The following NFIB variants were observed in gnomAD, a reference collection of about 807,000 sequenced individuals.
NFIB encodes nuclear factor I B, also known as nuclear factor 1 B-type.
Under a neutral mutation model 61.5 loss-of-function variants are expected in NFIB, and 11 were observed. The ratio of observed to expected loss-of-function variants is 0.18; its 90% CI spans 0.11 to 0.30. The LOEUF (loss-of-function observed/expected upper bound fraction) is 0.30, where lower values mean the gene tolerates loss of function less well. Among genes scored for constraint, NFIB ranks in the 10% least tolerant of loss-of-function variants. NFIB has a pLI of 1.00. For synonymous variants in NFIB, 260 were observed against 216.5 expected, an observed-to-expected ratio of 1.20 and a Z score of -1.76; for missense variants, 471 against 608.9, an observed-to-expected ratio of 0.77 and a Z score of 2.38.
At chr9:14,453,525 G>A in the NFIB span, among the ~76,000 whole-genome samples, 1 of 152,178 alleles carries the variant, frequency 6.6e-6, no homozygotes, top group Non-Finnish European at 1.5e-5. Context: ...AGAGACATAT[G>A]GTATGGAGAC....
At chr9:14,429,655 G>A in the NFIB span, among the ~76,000 whole-genome samples, 66 of 152,286 alleles carry the variant, frequency 4.3e-4, no homozygotes, top group African/African-American at 1.5e-3. Context: ...AGCTGTTGGT[G>A]GGTAAGCACT....
At chr9:14,100,175 G>A (rs2035526625) in intron 10 of NFIB, among the ~76,000 whole-genome samples, 1 of 152,112 alleles carries the variant, frequency 6.6e-6, no homozygotes, top group South Asian at 2.1e-4. Context: ...CAAAAGAAAA[G>A]TTACAATTTT....
At chr9:14,519,325 T>C in the NFIB span, among the ~76,000 whole-genome samples, 3 of 152,104 alleles carry the variant, frequency 2.0e-5, no homozygotes, top group Admixed American at 6.5e-5. Flanking sequence ...TTTCCAGAAG[T>C]TTATCATTGA....
rs76409717 is a variant in NFIB, at chr9:14,192,477, T to A, written c.563-12697A>T. Among the ~76,000 whole-genome samples, 400 of 152,200 alleles carry A rather than the reference T, an allele frequency of 2.6e-3. 3 individuals are homozygous for A. Among genetic ancestry groups the A allele is most frequent in the African/African-American group, 9.1e-3 (376 of 41,538 alleles). On this transcript the variant is annotated intron_variant, in intron 2 of 10. Coordinates refer to ENST00000380953, the MANE Select transcript of NFIB (RefSeq NM_001190737.2). ...TAACGGTAACTTGTCCTCAGATCCA[T>A]CCTGAACTCTGTTTCTGCAAACCAC...
chr9:14,180,163 C>T (rs950936872), intron 2 of NFIB, among the ~76,000 whole-genome samples: 6 of 152,078 alleles, frequency 3.9e-5, no homozygotes, highest in African/African-American at 1.2e-4. Flanking sequence ...TGTAATTAAA[C>T]GTGCATTTAA....
the NFIB span, among the ~76,000 whole-genome samples, chr9:14,448,395 T>A: frequency 1.4e-4 from 21 of 152,222 alleles, no homozygotes; most frequent in Non-Finnish European, 2.9e-5. Flanking sequence ...CCAAAAAAAA[T>A]TTTTATTTAA....
At chr9:14,159,268 C>A (rs1323137041) in intron 3 of NFIB, among the ~76,000 whole-genome samples, 1 of 152,206 alleles carries the variant, frequency 6.6e-6, no homozygotes, top group Non-Finnish European at 1.5e-5. Context: ...CCCAACTTCC[C>A]AGGTTCTAAG....
intron 1 of NFIB, among the ~76,000 whole-genome samples, chr9:14,385,022 G>T (rs577473459): frequency 6.6e-6 from 1 of 152,280 alleles, no homozygotes; most frequent in South Asian, 2.1e-4. Context: ...TTGCTGATTT[G>T]TCTGTATCAA....
chr9:14,437,458 C>T, the NFIB span, among the ~76,000 whole-genome samples: 1 of 152,192 alleles, frequency 6.6e-6, no homozygotes, highest in African/African-American at 2.4e-5. Context: ...TTGTGCGGGA[C>T]ATTAAACTAT....
intron 1 of NFIB, among the ~76,000 whole-genome samples, chr9:14,346,131 G>A (rs2061015671): frequency 6.6e-6 from 1 of 152,040 alleles, no homozygotes; most frequent in South Asian, 2.1e-4. Flanking sequence ...CCGCGGGCGC[G>A]GGGGGCGCGT....
chr9:14,121,388 A>G (rs1416934819), intron 7 of NFIB, among the ~76,000 whole-genome samples: 2 of 152,346 alleles, frequency 1.3e-5, no homozygotes, highest in East Asian at 3.9e-4. Context: ...AGAGCCAAAA[A>G]TTTTCTACCA....
chr9:14,381,256 G>A (rs731691), intron 1 of NFIB, among the ~76,000 whole-genome samples: 128,138 of 151,706 alleles, frequency 0.84, 54,363 homozygotes, highest in African/African-American at 0.93. Context: ...CAGTGGTGCA[G>A]TCTTGGCTTA....
At chr9:14,372,824 T>G (rs1022847429) in intron 1 of NFIB, among the ~76,000 whole-genome samples, 1 of 152,218 alleles carries the variant, frequency 6.6e-6, no homozygotes, top group African/African-American at 2.4e-5. Flanking sequence ...TCCTGTGAAC[T>G]GAACCTCTAA....
At chr9:14,354,994 G>T (rs977103667) in intron 1 of NFIB, among the ~76,000 whole-genome samples, 1 of 151,904 alleles carries the variant, frequency 6.6e-6, no homozygotes, top group Non-Finnish European at 1.5e-5. Flanking sequence ...CAGCACAAAT[G>T]AGATGACCTA....
At chr9:14,458,101 C>G in the NFIB span, among the ~76,000 whole-genome samples, 11 of 152,110 alleles carry the variant, frequency 7.2e-5, no homozygotes, top group Non-Finnish European at 1.6e-4. Context: ...TGATGAACAT[C>G]GATGCAAAAA....
At chr9:14,169,264 T>C (rs1029360553) in intron 3 of NFIB, among the ~76,000 whole-genome samples, 1 of 152,188 alleles carries the variant, frequency 6.6e-6, no homozygotes, top group Non-Finnish European at 1.5e-5. Context: ...CAAGTGGTTT[T>C]CCTGTCTTCT....
At chr9:14,277,693 A>C (rs2058094101) in intron 2 of NFIB, among the ~76,000 whole-genome samples, 1 of 152,200 alleles carries the variant, frequency 6.6e-6, no homozygotes, top group South Asian at 2.1e-4. Context: ...AGATAGACCT[A>C]AAGTAAGGGC....
At chr9:14,451,671 T>G in the NFIB span, among the ~76,000 whole-genome samples, 2 of 152,254 alleles carry the variant, frequency 1.3e-5, no homozygotes, top group African/African-American at 2.4e-5. Flanking sequence ...AGAGCTTGCT[T>G]GTATAATATG....
chr9:14,251,664 C>A (rs145187279), intron 2 of NFIB, among the ~76,000 whole-genome samples: 3 of 152,172 alleles, frequency 2.0e-5, no homozygotes, highest in Non-Finnish European at 4.4e-5. Context: ...TCACCACGGC[C>A]GAGGGGCCAC....
Sources: allele counts gnomAD v4.1 joint callset (sites outside exome capture counted in the v4.1 genomes callset), GRCh38; gene constraint gnomAD v4.1.1; transcripts MANE v1.5; gene names NCBI Gene and HGNC (gene_info 2026-07-23, HGNC 2026-07-21).